Variants in CDON observed in about 807,000 individuals in gnomAD.
The protein encoded by CDON is cell adhesion associated, oncogene regulated.
A neutral mutation model predicts 120.9 loss-of-function variants in CDON; 73 were observed. The observed-to-expected ratio is 0.60, with a 90% CI of 0.50 to 0.73. The LOEUF (loss-of-function observed/expected upper bound fraction) is 0.73, where lower values mean the gene tolerates loss of function less well. Among genes scored for constraint, CDON ranks in the 30% least tolerant of loss-of-function variants. The pLI, the probability that CDON is intolerant of heterozygous loss-of-function variation, is 0.00. For missense variants in CDON, 1,470 were observed against 1,587.3 expected (o/e 0.93, Z 1.26); for synonymous variants, 566 against 573.5 (o/e 0.99, Z 0.19).
rs571542583 is a variant in CDON at position 126,028,686 on chromosome 11, A to G, written c.-61-5149T>C. Among the ~76,000 whole-genome samples the G allele has an allele frequency of 5.3e-5, 8 of 151,730 alleles. No homozygotes were observed. In the East Asian group the frequency reaches 1.5e-3, roughly 29 times the overall value. On this transcript the variant is annotated intron_variant, in intron 1 of 19. Coordinates refer to ENST00000531738, the MANE Select transcript of CDON (RefSeq NM_001378964.1). ...CCCTTATTAAAATTCTTCATAAATAAAACTTTTAACAGCTGCGGAGAATTT... is the reference window on the plus strand; with the variant it reads ...CCCTTATTAAAATTCTTCATAAATAGAACTTTTAACAGCTGCGGAGAATTT...
In CDON at chr11:125,993,393, G is replaced by A. The variant is rs1214644910; in HGVS notation, c.2650+891C>T. ...CTCTCACACACACATGCGCGCGTGC[G>A]TGCACACACACACACACACACACAC... On this transcript the variant is annotated intron_variant, in intron 14 of 19. Coordinates refer to ENST00000531738, the MANE Select transcript of CDON (RefSeq NM_001378964.1). Among the ~76,000 whole-genome samples the A allele has an allele frequency of 2.7e-4, 18 of 65,792 alleles. 1 individual carries two copies. The highest frequency in any genetic ancestry group is 0.012 in the Middle Eastern group (2 of 170). 43.2% of individuals were successfully genotyped at this position (65,792 alleles called of 152,430 possible).
At chr11:126,019,317 T>C (rs1947562645) in intron 4 of CDON, among the ~76,000 whole-genome samples, 1 of 152,110 alleles carries the variant, frequency 6.6e-6, no homozygotes. Flanking sequence ...TGATCAATTC[T>C]ATAAAGAAAA....
At chr11:126,054,360 T>C (rs867300444) in intron 1 of CDON, among the ~76,000 whole-genome samples, 4 of 152,204 alleles carry the variant, frequency 2.6e-5, no homozygotes, top group Admixed American at 6.5e-5. Context: ...ATTTTAAATA[T>C]ATAAAATTGT....
rs149627264 is a variant in CDON, at chr11:125,971,731, G to A, written c.3356+6573C>T. On this transcript the variant is annotated intron_variant, in intron 18 of 19. Transcript: ENST00000531738. ...ATCTCCAGTCTCTCTACGACCCTTC[G>A]AGTTAATTTCTCATTCCTTCCTGAT... is the stretch of plus-strand genomic sequence containing the variant. 6.6e-3 allele frequency among the ~76,000 whole-genome samples: 1,008 copies of A among 151,930 alleles called. 7 individuals carry two copies. Among genetic ancestry groups the A allele is most frequent in the African/African-American group, 0.023 (944 of 41,424 alleles).
intron 12 of CDON, 46 bp from the exon 13 acceptor site, chr11:125,995,098 A>C: frequency 6.6e-7 from 1 of 1,525,612 alleles, no homozygotes; most frequent in East Asian, 2.3e-5. Context: ...ACAAAAACAT[A>C]ACTAAGAAAA....
intron 10 of CDON, among the ~76,000 whole-genome samples, chr11:126,003,427 A>G (rs1205810560): frequency 2.0e-5 from 3 of 152,242 alleles, no homozygotes; most frequent in Non-Finnish European, 4.4e-5. Context: ...AATATTCTAT[A>G]GAATAGGACA....
At chr11:126,024,682 G>A (rs1947740561) in intron 1 of CDON, among the ~76,000 whole-genome samples, 1 of 152,178 alleles carries the variant, frequency 6.6e-6, no homozygotes, top group African/African-American at 2.4e-5. Context: ...GTGTGAGTGT[G>A]GAGCTGTAGG....
At chr11:125,974,382 AAGGAAGGAAGGGAGGGAGGG>A (rs1336714921) in intron 18 of CDON, among the ~76,000 whole-genome samples, 6 of 34,624 alleles carry the variant, frequency 1.7e-4, no homozygotes, top group East Asian at 9.8e-4. Flanking sequence ...GGAAGGAAGG[AAGGAAGGAAGGGAGGGAGGG>A]AGGGAGGGAG....
intron 18 of CDON, among the ~76,000 whole-genome samples, chr11:125,962,248 A>C (rs1945666668): frequency 6.6e-6 from 1 of 152,226 alleles, no homozygotes; most frequent in Non-Finnish European, 1.5e-5. Context: ...ATGTCCCAGC[A>C]CACAGGCTTC....
rs387906997 is a variant in CDON at position 125,995,047 on chromosome 11, T to C, written c.2368A>G (p.Thr790Ala). The C allele has an allele frequency of 1.2e-6, 2 of 1,613,612 alleles. No homozygotes were observed. Among genetic ancestry groups the C allele is most frequent in the Non-Finnish European group, 1.7e-6 (2 of 1,179,800 alleles). The change falls in exon 13 of 20, where the codon ACA becomes GCA. Residue 790 changes from threonine (T) to alanine (A), a missense_variant. Physicochemically the swap from Thr to Ala is moderately conservative, Grantham distance 58. Coordinates refer to ENST00000531738, the MANE Select transcript of CDON (RefSeq NM_001378964.1). The stretch of plus-strand genomic sequence containing the variant: ...ATGGCAATGACCCTAAATTTGTATG[T>C]TGAACCTTTGAGGGAAAACAAAAAC... ...VEVRSLEPGSTYKFRVIAINH... is the reference protein window; with the variant it reads ...VEVRSLEPGSAYKFRVIAINH...
At chr11:126,031,846 C>T (rs935829771) in intron 1 of CDON, among the ~76,000 whole-genome samples, 1 of 152,202 alleles carries the variant, frequency 6.6e-6, no homozygotes, top group South Asian at 2.1e-4. Context: ...GAAGGAATTG[C>T]TCACCATTCC....
intron 8 of CDON, among the ~76,000 whole-genome samples, chr11:126,009,201 C>T (rs971220597): frequency 1.8e-4 from 27 of 152,236 alleles, no homozygotes; most frequent in African/African-American, 5.8e-4. Flanking sequence ...AAGGGGAAGT[C>T]CCTGGTCTCC....
At chr11:126,042,220 C>T (rs1307419522) in intron 1 of CDON, among the ~76,000 whole-genome samples, 4 of 152,108 alleles carry the variant, frequency 2.6e-5, no homozygotes, top group Admixed American at 6.5e-5. Context: ...CATCTTCATA[C>T]GCAATTATAA....
intron 1 of CDON, among the ~76,000 whole-genome samples, chr11:126,025,657 T>C (rs1947773521): frequency 6.6e-6 from 1 of 152,146 alleles, no homozygotes; most frequent in Non-Finnish European, 1.5e-5. Context: ...ATATTGCTGG[T>C]GGAAACAAAA....
intron 1 of CDON, among the ~76,000 whole-genome samples, chr11:126,040,200 C>A (rs1323989984): frequency 6.6e-6 from 1 of 152,140 alleles, no homozygotes; most frequent in Non-Finnish European, 1.5e-5. Flanking sequence ...ATCCCTGTAC[C>A]TTCCACTCAG....
At position 125,983,932 on chromosome 11, in the gene CDON, T is replaced by C. The variant is rs1157915052; in HGVS notation, c.2935A>G (p.Ile979Val). ...CACATTGCAATGAAAACCATCAGAA[T>C]GAGGACCATGACGCCCAGCACACAG... The part of the protein sequence containing the change: ...VGCVLGVMVL[I>V]LMVFIAMCLW... The change falls in exon 16 of 20, where the codon ATT (isoleucine) becomes GTT (valine). Residue 979 changes from isoleucine to valine, a missense_variant. Ile to Val is a conservative substitution (Grantham distance 29). Coordinates refer to ENST00000531738, the MANE Select transcript of CDON (RefSeq NM_001378964.1). 12 of 1,614,162 alleles carry C rather than the reference T, an allele frequency of 7.4e-6. No individual in the cohort carries two copies. Among genetic ancestry groups the C allele is most frequent in the Admixed American group, 6.7e-5 (4 of 60,026 alleles).
intron 18 of CDON, among the ~76,000 whole-genome samples, chr11:125,962,281 A>C (rs1945667186): frequency 6.6e-6 from 1 of 152,242 alleles, no homozygotes; most frequent in Non-Finnish European, 1.5e-5. Context: ...CCACTGTCAG[A>C]AGTCATCTAC....
At chr11:126,039,059 G>A (rs1286976474) in intron 1 of CDON, among the ~76,000 whole-genome samples, 1 of 152,146 alleles carries the variant, frequency 6.6e-6, no homozygotes, top group Non-Finnish European at 1.5e-5. Context: ...CCCCTAAAAC[G>A]AAGAGAGCTA....
chr11:125,981,351 GACACACACGCACAC>G lies in CDON; in HGVS notation c.2996-36_2996-23del, dbSNP rs142134591. 0.078 allele frequency: 124,485 copies of G among 1,602,980 alleles called. 6,056 individuals are homozygous for G. The highest frequency in any genetic ancestry group is 0.092 in the Non-Finnish European group (108,070 of 1,177,462). ...TATTCTGTTAAAAGAGAACAAAAAA[GACACACACGCACAC>G]ACACACACGCACGCACACATGCACA... On this transcript the variant is annotated intron_variant, in intron 16 of 19. Transcript: ENST00000531738.
Sources: allele counts gnomAD v4.1 joint callset (sites outside exome capture counted in the v4.1 genomes callset), GRCh38; gene constraint gnomAD v4.1.1; transcripts MANE v1.5; gene names NCBI Gene and HGNC (gene_info 2026-07-23, HGNC 2026-07-21).